The following PTPRJ variants were observed in gnomAD, a reference collection of about 807,000 sequenced individuals.
PTPRJ encodes the protein receptor-type tyrosine-protein phosphatase eta.
PTPRJ carries 129 observed loss-of-function variants against 141.3 expected under a neutral mutation model. That is an observed-to-expected ratio of 0.91 (90% CI 0.79 to 1.06). PTPRJ has a LOEUF of 1.06. Among genes scored for constraint, PTPRJ ranks in the 50% least tolerant of loss-of-function variants. The probability of loss-of-function intolerance (pLI) is 0.00; values close to 1 mark genes in which losing one functional copy is unlikely to be tolerated. For synonymous variants in PTPRJ, 610 were observed against 640.5 expected (o/e 0.95, Z 0.72); for missense variants, 1,601 against 1,679.7 (o/e 0.95, Z 0.82).
At chr11:48,116,676 A>G (rs1400280507) in intron 3 of PTPRJ, among the ~76,000 whole-genome samples, 2 of 152,244 alleles carry the variant, frequency 1.3e-5, no homozygotes, top group Non-Finnish European at 2.9e-5. Flanking sequence ...TTAGACCACA[A>G]AACAAGTGTT....
intron 1 of PTPRJ, among the ~76,000 whole-genome samples, chr11:48,031,125 C>A (rs1344741354): frequency 6.6e-6 from 1 of 152,172 alleles, no homozygotes; most frequent in African/African-American, 2.4e-5. Flanking sequence ...GTGACCATTG[C>A]CTGTTAGATT....
intron 1 of PTPRJ, among the ~76,000 whole-genome samples, chr11:48,061,456 C>T (rs1398090376): frequency 6.6e-6 from 1 of 152,192 alleles, no homozygotes; most frequent in African/African-American, 2.4e-5. Context: ...AGAGGTGCTG[C>T]AGTAATGGTT....
Position 48,156,124 on chromosome 11 carries a change from G to C in PTPRJ, c.3438+5G>C. ...AAATGTGTTGAACAGGGAAGAGTAA[G>C]TATCTTTTTTAGTTTTTAAAATTTA... On this transcript the variant is annotated splice_donor_5th_base_variant and intron_variant, in intron 21 of 24. Coordinates refer to ENST00000418331, the MANE Select transcript of PTPRJ (RefSeq NM_002843.4). The C allele has an allele frequency of 6.4e-7, 1 of 1,569,362 alleles. No individual in the cohort carries two copies. The highest frequency in any genetic ancestry group is 8.7e-7 in the Non-Finnish European group (1 of 1,147,030).
At position 48,167,379 on chromosome 11, in the gene PTPRJ, T is replaced by C. The variant is rs772975987; in HGVS notation, c.*17T>C. 13 of 1,612,378 alleles carry C rather than the reference T, an allele frequency of 8.1e-6. No individual in the cohort carries two copies. The South Asian group carries it at 1.4e-4, about 18-fold the overall frequency. ...ATCGCCTAATTCCAAAGGAATAACC[T>C]TTCTGGAGTGAACCAGACCGTCGCA... On this transcript the variant is annotated 3_prime_UTR_variant, in exon 25 of 25. Transcript: ENST00000418331.
chr11:48,066,842 T>C (rs990075819), intron 1 of PTPRJ, among the ~76,000 whole-genome samples: 4 of 152,154 alleles, frequency 2.6e-5, no homozygotes, highest in African/African-American at 4.8e-5. Flanking sequence ...TGCCTCGGCC[T>C]CCCAAAGTGC....
intron 1 of PTPRJ, among the ~76,000 whole-genome samples, chr11:48,028,271 C>G (rs965890317): frequency 4.6e-5 from 7 of 152,172 alleles, no homozygotes; most frequent in African/African-American, 1.7e-4. Context: ...TCCCCCTAAT[C>G]CACACTGTCC....
chr11:48,006,026 G>A (rs533002983), intron 1 of PTPRJ, among the ~76,000 whole-genome samples: 10 of 152,370 alleles, frequency 6.6e-5, no homozygotes, highest in South Asian at 2.1e-4. Context: ...GCTGTGTGGT[G>A]CTGGAGAGAG....
rs1395111007 is a variant in PTPRJ, at chr11:48,098,543, C to T, written c.97-11515C>T. Reference sequence around the variant, plus strand: ...TTTTTTTTTTTTTTTTTTTTTGAGACGGAGTTTCGCTCTGTCGCCCAGGCT... The same window carrying T: ...TTTTTTTTTTTTTTTTTTTTTGAGATGGAGTTTCGCTCTGTCGCCCAGGCT... On this transcript the variant is annotated intron_variant, in intron 1 of 24. Transcript: ENST00000418331. 4.4e-4 allele frequency among the ~76,000 whole-genome samples: 19 copies of T among 43,006 alleles called. 5 individuals carry two copies. The highest frequency in any genetic ancestry group is 1.0e-3 in the African/African-American group (19 of 18,392). 28.2% of individuals were successfully genotyped at this position (43,006 alleles called of 152,430 possible). A position where few individuals can be genotyped will look rare whatever the true frequency, so the allele number is the denominator to read the frequency against.
chr11:48,084,056 G>T (rs912011645), intron 1 of PTPRJ, among the ~76,000 whole-genome samples: 1 of 152,202 alleles, frequency 6.6e-6, no homozygotes, highest in Non-Finnish European at 1.5e-5. Context: ...AGAATTTGGA[G>T]GAAAGAGAGT....
At chr11:48,143,132 A>G in intron 12 of PTPRJ, 82 bp downstream of exon 12, 1 of 1,527,032 alleles carries the variant, frequency 6.5e-7, no homozygotes, top group Non-Finnish European at 8.9e-7. Context: ...GAGGCATGTG[A>G]GTAATGCAGA....
At chr11:48,105,456 G>A (rs966710492) in intron 1 of PTPRJ, among the ~76,000 whole-genome samples, 3 of 152,174 alleles carry the variant, frequency 2.0e-5, no homozygotes, top group Non-Finnish European at 4.4e-5. Context: ...ATTGAAGGGT[G>A]GTGGCTTTGG....
At position 48,154,026 on chromosome 11, in the gene PTPRJ, A is replaced by G. The variant is rs1253276295; in HGVS notation, c.3229+140A>G. 8.7e-6 allele frequency: 6 copies of G among 693,180 alleles called. No homozygotes were observed. In the East Asian group the frequency reaches 1.4e-4, roughly 16 times the overall value. 42.9% of individuals were successfully genotyped at this position (693,180 alleles called of 1,614,324 possible). On this transcript the variant is annotated intron_variant, in intron 19 of 24. Coordinates refer to ENST00000418331, the MANE Select transcript of PTPRJ (RefSeq NM_002843.4). ...TAGTCACCTACTTCCACAACCATCC[A>G]TTATTCACCTACTATGTGCTAAGCA...
chr11:48,068,189 C>T (rs749231183), intron 1 of PTPRJ, among the ~76,000 whole-genome samples: 3 of 152,166 alleles, frequency 2.0e-5, no homozygotes, highest in South Asian at 2.1e-4. Context: ...CTTTAGGCAG[C>T]GGGAACACTG....
chr11:48,112,290 T>C (rs1856460161), intron 2 of PTPRJ, among the ~76,000 whole-genome samples: 1 of 152,292 alleles, frequency 6.6e-6, no homozygotes, highest in African/African-American at 2.4e-5. Flanking sequence ...CCAACAGCTA[T>C]GCATATACAG....
chr11:48,024,851 C>G (rs1172629169), intron 1 of PTPRJ, among the ~76,000 whole-genome samples: 1 of 152,250 alleles, frequency 6.6e-6, no homozygotes, highest in Non-Finnish European at 1.5e-5. Flanking sequence ...CTGTCTCATT[C>G]AGCTGCATTT....
intron 1 of PTPRJ, chr11:48,014,586 A>T (rs944005598): frequency 6.6e-6 from 1 of 152,254 alleles, no homozygotes; most frequent in Non-Finnish European, 1.5e-5. Context: ...CTTCCATTCT[A>T]GCAGAAGTGA....
chr11:48,056,689 AT>A (rs1441058006), intron 1 of PTPRJ, among the ~76,000 whole-genome samples: 1 of 152,208 alleles, frequency 6.6e-6, no homozygotes, highest in African/African-American at 2.4e-5. Flanking sequence ...GTGGTGGCTC[AT>A]GCCCGTAATC....
intron 1 of PTPRJ, among the ~76,000 whole-genome samples, chr11:48,081,183 A>G (rs1210915289): frequency 6.6e-6 from 1 of 152,236 alleles, no homozygotes; most frequent in East Asian, 1.9e-4. Context: ...TGGAATAAAG[A>G]CAGGAACTAA....
At chr11:48,113,898 G>A (rs1331861028) in intron 3 of PTPRJ, among the ~76,000 whole-genome samples, 4 of 152,024 alleles carry the variant, frequency 2.6e-5, no homozygotes, top group Non-Finnish European at 5.9e-5. Flanking sequence ...TTCTCCGGGA[G>A]CCTTAATAAT....
Sources: allele counts gnomAD v4.1 joint callset (sites outside exome capture counted in the v4.1 genomes callset), GRCh38; gene constraint gnomAD v4.1.1; transcripts MANE v1.5; gene names NCBI Gene and HGNC (gene_info 2026-07-23, HGNC 2026-07-21).